The following DCLK2 variants were observed in gnomAD, a reference collection of about 807,000 sequenced individuals.
The protein encoded by DCLK2 is serine/threonine-protein kinase DCLK2.
A neutral mutation model predicts 78.4 loss-of-function variants in DCLK2; 31 were observed. The observed-to-expected ratio is 0.40, with a 90% CI of 0.30 to 0.53. The LOEUF (loss-of-function observed/expected upper bound fraction) is 0.53. DCLK2 is among the 20% of genes least tolerant of loss of function. DCLK2 has a pLI of 0.61. For synonymous variants in DCLK2, 407 were observed against 374.9 expected (o/e 1.09, Z -0.99); for missense variants, 872 against 973.7 (o/e 0.90, Z 1.39).
intron 5 of DCLK2, among the ~76,000 whole-genome samples, chr4:150,212,652 A>G (rs1740402802): frequency 6.6e-6 from 1 of 152,228 alleles, no homozygotes; most frequent in African/African-American, 2.4e-5. Flanking sequence ...AGTGATTTGC[A>G]CATTGTAGTT....
chr4:150,103,453 C>T (rs750400941), intron 2 of DCLK2, among the ~76,000 whole-genome samples: 25 of 152,170 alleles, frequency 1.6e-4, no homozygotes, highest in East Asian at 3.9e-4. Context: ...CATGAATAGC[C>T]GTTAGGTAAG....
At position 150,181,107 on chromosome 4, in the gene DCLK2, A is replaced by G. The variant is rs540183707; in HGVS notation, c.757-12031A>G. On this transcript the variant is annotated intron_variant, in intron 2 of 15. Transcript: ENST00000296550. ...CACTCTTGATTGGACCTAAGCATAC[A>G]AGTGGATAGCTGTATCTTTGGGTCT... Among the ~76,000 whole-genome samples, 36 of 152,280 alleles carry G rather than the reference A, an allele frequency of 2.4e-4. No individual in the cohort carries two copies. In the East Asian group the frequency reaches 6.6e-3, roughly 28 times the overall value.
chr4:150,204,005 AT>A, intron 5 of DCLK2, 116 bp downstream of exon 5: 1 of 965,758 alleles, frequency 1.0e-6, no homozygotes, highest in Non-Finnish European at 1.5e-6. Context: ...AGATTTTAGG[AT>A]TTTGAGCCTG....
chr4:150,185,830 G>C (rs572402145), intron 2 of DCLK2, among the ~76,000 whole-genome samples: 49 of 152,192 alleles, frequency 3.2e-4, no homozygotes, highest in South Asian at 1.7e-3. Flanking sequence ...AAGCTGTTAC[G>C]AGCTAGCACT....
chr4:150,214,689 C>G (rs558891164), intron 5 of DCLK2, among the ~76,000 whole-genome samples: 2 of 152,086 alleles, frequency 1.3e-5, no homozygotes, highest in African/African-American at 2.4e-5. Flanking sequence ...CTGCCGGGCA[C>G]GATGGCTCAC....
chr4:150,252,449 T>C (rs1744244873), intron 15 of DCLK2, among the ~76,000 whole-genome samples: 1 of 152,190 alleles, frequency 6.6e-6, no homozygotes, highest in Non-Finnish European at 1.5e-5. Context: ...AAGGGAGTCA[T>C]TGCTGGGGTC....
chr4:150,239,792 G>T lies in DCLK2; in HGVS notation c.1617G>T (p.Gly539=). The change falls in exon 11 of 16, where the codon GGG becomes GGT. Residue 539 remains glycine, a synonymous_variant. Coordinates refer to ENST00000296550, the MANE Select transcript of DCLK2 (RefSeq NM_001040260.4). ...AGTCTTTGAAACTGGGAGACTTTGG[G>T]CTTGCGACTGTGGTAGAAGGCCCTT... ...GTKSLKLGDF[G]LATVVEGPLY... is the part of the protein sequence containing the mutation. 6.2e-7 allele frequency: 1 copy of T among 1,614,184 alleles called. No homozygotes were observed. The highest frequency in any genetic ancestry group is 8.5e-7 in the Non-Finnish European group (1 of 1,180,032).
intron 2 of DCLK2, among the ~76,000 whole-genome samples, chr4:150,156,142 A>G (rs966294710): frequency 2.0e-5 from 3 of 152,170 alleles, no homozygotes; most frequent in Non-Finnish European, 4.4e-5. Context: ...GCTGGTGATT[A>G]GGAACCTCTG....
At chr4:150,163,772 T>C (rs1302773302) in intron 2 of DCLK2, among the ~76,000 whole-genome samples, 2 of 152,230 alleles carry the variant, frequency 1.3e-5, no homozygotes, top group Non-Finnish European at 2.9e-5. Context: ...TTTTTCAATT[T>C]CTAAAAGCTG....
At chr4:150,230,414 GC>G (rs1017102413) in intron 8 of DCLK2, among the ~76,000 whole-genome samples, 1 of 152,120 alleles carries the variant, frequency 6.6e-6, no homozygotes, top group African/African-American at 2.4e-5. Context: ...CACAAACACA[GC>G]CCCCAGGGAG....
At chr4:150,236,542 G>A (rs577124729) in intron 10 of DCLK2, among the ~76,000 whole-genome samples, 277 of 152,326 alleles carry the variant, frequency 1.8e-3, no homozygotes, top group South Asian at 3.5e-3. Flanking sequence ...CCTTGAGAAT[G>A]TCAGTTTCTG....
intron 2 of DCLK2, among the ~76,000 whole-genome samples, chr4:150,132,199 A>G (rs927810968): frequency 6.6e-6 from 1 of 152,194 alleles, no homozygotes; most frequent in African/African-American, 2.4e-5. Flanking sequence ...TCTAGTGTTA[A>G]GAAGAGGGGC....
Position 150,080,168 on chromosome 4 carries a change from G to A in DCLK2, c.421+720G>A, listed in dbSNP as rs150459348. ...CTGGTTAACAATCACCGTGCTAAAG[G>A]GTTTTCCACATTTGGTTGGAAAAAA... On this transcript the variant is annotated intron_variant, in intron 1 of 15. Transcript: ENST00000296550. Among the ~76,000 whole-genome samples the A allele has an allele frequency of 3.4e-3, 509 of 149,972 alleles. 4 individuals carry two copies. Among genetic ancestry groups the A allele is most frequent in the African/African-American group, 0.011 (439 of 40,956 alleles).
chr4:150,161,828 A>G (rs976078929), intron 2 of DCLK2, among the ~76,000 whole-genome samples: 1 of 152,202 alleles, frequency 6.6e-6, no homozygotes, highest in Non-Finnish European at 1.5e-5. Flanking sequence ...AAAGAAAATA[A>G]TAAGACATTT....
Position 150,088,046 on chromosome 4 carries a change from A to G in DCLK2, c.421+8598A>G, listed in dbSNP as rs534899843. 3.3e-5 allele frequency among the ~76,000 whole-genome samples: 5 copies of G among 152,120 alleles called. 1 individual carries two copies. In the East Asian group the frequency reaches 5.8e-4, roughly 18 times the overall value. On this transcript the variant is annotated intron_variant, in intron 1 of 15. Transcript: ENST00000296550. ...TGCTACTGGGCCTTCATTTTGGGGTATTGTTTTCTGAGCCCCAACAGATGC... is the reference window on the plus strand; with the variant it reads ...TGCTACTGGGCCTTCATTTTGGGGTGTTGTTTTCTGAGCCCCAACAGATGC...
intron 4 of DCLK2, 141 bp from the exon 5 acceptor site, chr4:150,203,654 G>C (rs1244907914): frequency 1.5e-5 from 4 of 271,680 alleles, no homozygotes; most frequent in Non-Finnish European, 2.5e-5. Flanking sequence ...TTTGCTTTTT[G>C]CTGATTTGCC....
chr4:150,184,465 T>C lies in DCLK2; in HGVS notation c.757-8673T>C, dbSNP rs1285396662. 2.0e-5 allele frequency among the ~76,000 whole-genome samples: 3 copies of C among 152,170 alleles called. No homozygotes were observed. In the East Asian group the frequency reaches 5.8e-4, roughly 29 times the overall value. The stretch of plus-strand genomic sequence containing the variant: ...TTTAGAATCTTAGAGCAGGAAGGGG[T>C]CTTAGAGAAATCCAACTTGCTTTGA... On this transcript the variant is annotated intron_variant, in intron 2 of 15. Coordinates refer to ENST00000296550, the MANE Select transcript of DCLK2 (RefSeq NM_001040260.4).
intron 2 of DCLK2, among the ~76,000 whole-genome samples, chr4:150,169,324 G>A (rs1736331023): frequency 6.6e-6 from 1 of 152,216 alleles, no homozygotes; most frequent in Non-Finnish European, 1.5e-5. Flanking sequence ...ATTTATTTGA[G>A]CATAGAATGA....
At chr4:150,213,955 G>A (rs933551218) in intron 5 of DCLK2, among the ~76,000 whole-genome samples, 2 of 152,152 alleles carry the variant, frequency 1.3e-5, no homozygotes, top group Admixed American at 1.3e-4. Context: ...GTGGTGATGG[G>A]CAAGTTATAT....
Sources: gnomAD v4.1 joint callset for allele counts (sites outside exome capture counted in the v4.1 genomes callset) on GRCh38, gnomAD v4.1.1 for gene constraint, MANE v1.5 for transcripts, NCBI Gene and HGNC (gene_info 2026-07-23, HGNC 2026-07-21) for gene names.